EPHA6: variants seen among roughly 807,000 people sequenced by gnomAD.
EPHA6 encodes ephrin type-A receptor 6.
Under a neutral mutation model 112.0 loss-of-function variants are expected in EPHA6, and 50 were observed. That is an observed-to-expected ratio of 0.45 (90% CI 0.36 to 0.56). The LOEUF (loss-of-function observed/expected upper bound fraction) is 0.56, where lower values mean the gene tolerates loss of function less well. Among genes scored for constraint, EPHA6 ranks in the 20% least tolerant of loss-of-function variants. EPHA6 has a pLI of 0.00. For missense variants in EPHA6, 1,280 were observed against 1,417.4 expected, an observed-to-expected ratio of 0.90 and a Z score of 1.56; for synonymous variants, 529 against 490.7, an observed-to-expected ratio of 1.08 and a Z score of -1.03.
At chr3:97,438,891 A>G (rs2089992530) in intron 6 of EPHA6, among the ~76,000 whole-genome samples, 1 of 152,226 alleles carries the variant, frequency 6.6e-6, no homozygotes, top group South Asian at 2.1e-4. Flanking sequence ...TGAACTGACT[A>G]CAACTAGGAC....
At chr3:97,523,458 A>C (rs919320017) in intron 10 of EPHA6, among the ~76,000 whole-genome samples, 4 of 152,024 alleles carry the variant, frequency 2.6e-5, no homozygotes, top group African/African-American at 9.7e-5. Context: ...TCTATCCTGT[A>C]GAATGTTCTG....
At chr3:96,815,056 C>T (rs1198758640) in intron 1 of EPHA6, 48 bp downstream of exon 1, 3 of 1,458,054 alleles carry the variant, frequency 2.1e-6, no homozygotes, top group Admixed American at 5.0e-5. Context: ...GAGGAGGGTG[C>T]TTGGAGAACC....
chr3:97,554,637 C>A (rs1469918697), intron 11 of EPHA6, among the ~76,000 whole-genome samples: 1 of 151,892 alleles, frequency 6.6e-6, no homozygotes, highest in Non-Finnish European at 1.5e-5. Flanking sequence ...ACTCATAGTC[C>A]AACATGTTGT....
rs2078925785 is a variant in EPHA6, at chr3:97,244,271, G to A, written c.1590G>A (p.Val530=). 1 of 1,613,138 alleles carries A rather than the reference G, an allele frequency of 6.2e-7. No individual in the cohort carries two copies. Among genetic ancestry groups the A allele is most frequent in the Non-Finnish European group, 8.5e-7 (1 of 1,179,382 alleles). The change falls in exon 5 of 18, where the codon GTG becomes GTA. Residue 530 remains valine (V), a synonymous_variant. Transcript: ENST00000389672. ...CCAAGCCATTCACAGCTATTACAGT[G>A]ACCACGGATCAAGATGGTAAGTTCC... ...FSPKPFTAIT[V]TTDQDAPSLI... is the part of the protein sequence containing the mutation.
At chr3:96,924,899 T>A (rs2039956197) in intron 2 of EPHA6, among the ~76,000 whole-genome samples, 1 of 152,158 alleles carries the variant, frequency 6.6e-6, no homozygotes, top group African/African-American at 2.4e-5. Flanking sequence ...TAATCGTGGT[T>A]TTTGTCTTTA....
intron 5 of EPHA6, among the ~76,000 whole-genome samples, chr3:97,367,980 T>C (rs2084833882): frequency 6.6e-6 from 1 of 152,188 alleles, no homozygotes; most frequent in South Asian, 2.1e-4. Flanking sequence ...AACATAACAC[T>C]ACTTTCATGC....
At position 97,720,147 on chromosome 3, in the gene EPHA6, C is replaced by T. The variant is rs1005325773; in HGVS notation, c.2785-114C>T. Reference sequence around the variant, plus strand: ...TTTCTTTTGATTTTAATTTAAAATGCCAGTGCTATTATGAAGTATTTAGAT... The same window carrying T: ...TTTCTTTTGATTTTAATTTAAAATGTCAGTGCTATTATGAAGTATTTAGAT... On this transcript the variant is annotated intron_variant, in intron 14 of 17. Transcript: ENST00000389672. The T allele has an allele frequency of 6.3e-5, 50 of 789,548 alleles. No individual in the cohort carries two copies. The African/African-American group carries it at 8.5e-4, about 13-fold the overall frequency. 48.9% of individuals were successfully genotyped at this position (789,548 alleles called of 1,614,324 possible).
chr3:97,637,927 G>C lies in EPHA6; in HGVS notation c.2629G>C (p.Ala877Pro). ...IQLVGMLRGI[A>P]SGMKYLSDMG... ...GTTGGTCGGAATGCTCCGAGGCATTGCATCAGGCATGAAGTATCTTTCTGA... is the reference window on the plus strand; with the variant it reads ...GTTGGTCGGAATGCTCCGAGGCATTCCATCAGGCATGAAGTATCTTTCTGA... Residue 877 changes from alanine (A) to proline (P), a missense_variant, in exon 14 of 18, where the codon GCA becomes CCA. Around this residue, in one of 4 missense-constraint regions of EPHA6, gnomAD observed 878 missense variants for 999.7 expected, o/e 0.88. Transcript: ENST00000389672. The C allele has an allele frequency of 6.2e-7, 1 of 1,613,916 alleles. No homozygotes were observed. The highest frequency in any genetic ancestry group is 8.5e-7 in the Non-Finnish European group (1 of 1,179,832).
chr3:97,642,498 C>T (rs978771714), intron 14 of EPHA6, among the ~76,000 whole-genome samples: 13 of 145,070 alleles, frequency 9.0e-5, no homozygotes, highest in African/African-American at 3.1e-4. Flanking sequence ...CTCGGAGCTA[C>T]GGGAGGACAT....
chr3:97,481,371 G>C, intron 9 of EPHA6: 1 of 1,530,070 alleles, frequency 6.5e-7, no homozygotes, highest in Non-Finnish European at 9.0e-7. Context: ...TTCTGAGAAG[G>C]AGTTTCTACT....
At chr3:97,553,793 G>GGAGA (rs952367987) in intron 11 of EPHA6, among the ~76,000 whole-genome samples, 24 of 152,246 alleles carry the variant, frequency 1.6e-4, no homozygotes, top group African/African-American at 5.5e-4. Context: ...CCCTAAGGAA[G>GGAGA]GAGAGACTGA....
chr3:97,351,615 C>A (rs1356464271), intron 5 of EPHA6, among the ~76,000 whole-genome samples: 1 of 152,084 alleles, frequency 6.6e-6, no homozygotes, highest in Non-Finnish European at 1.5e-5. Flanking sequence ...TTTTCAATAA[C>A]AAATAGAAGC....
chr3:97,131,541 T>C (rs917191287), intron 3 of EPHA6, among the ~76,000 whole-genome samples: 5 of 152,284 alleles, frequency 3.3e-5, no homozygotes, highest in Admixed American at 2.6e-4. Flanking sequence ...GAATTTTTAT[T>C]GTATTTATTT....
At chr3:97,489,262 A>G (rs1293167596) in intron 10 of EPHA6, among the ~76,000 whole-genome samples, 1 of 152,272 alleles carries the variant, frequency 6.6e-6, no homozygotes, top group Non-Finnish European at 1.5e-5. Flanking sequence ...TCAACAGTCA[A>G]TGCCTTAGGT....
intron 14 of EPHA6, among the ~76,000 whole-genome samples, chr3:97,654,928 A>T (rs374500937): frequency 4.7e-4 from 72 of 151,602 alleles, no homozygotes; most frequent in African/African-American, 1.7e-3. Context: ...ATTGAGATTG[A>T]TTTACAGAGA....
chr3:96,933,426 A>G (rs1183726552), intron 2 of EPHA6, among the ~76,000 whole-genome samples: 1 of 151,822 alleles, frequency 6.6e-6, no homozygotes, highest in South Asian at 2.1e-4. Context: ...TGTTTATAAA[A>G]ACTTTAGTTT....
intron 3 of EPHA6, among the ~76,000 whole-genome samples, chr3:97,041,412 G>A (rs2045310323): frequency 6.6e-6 from 1 of 152,070 alleles, no homozygotes. Context: ...ACTGACTGCT[G>A]TCTTGTAATG....
chr3:97,660,938 T>C (rs1380283444), intron 14 of EPHA6, among the ~76,000 whole-genome samples: 1 of 152,152 alleles, frequency 6.6e-6, no homozygotes, highest in South Asian at 2.1e-4. Flanking sequence ...ATCTGAATTC[T>C]TCCAGTTTTC....
chr3:97,370,289 C>T (rs1029469976), intron 5 of EPHA6, among the ~76,000 whole-genome samples: 2 of 152,146 alleles, frequency 1.3e-5, no homozygotes, highest in Non-Finnish European at 2.9e-5. Flanking sequence ...TTCATTCATT[C>T]ATCTAGCATA....
Sources: allele counts gnomAD v4.1 joint callset (sites outside exome capture counted in the v4.1 genomes callset), GRCh38; gene constraint gnomAD v4.1.1; regional missense constraint gnomAD v4.1.1; transcripts MANE v1.5; gene names NCBI Gene and HGNC (gene_info 2026-07-23, HGNC 2026-07-21).